Variants in TDRD9 observed in about 807,000 individuals in gnomAD.
TDRD9 encodes tudor domain containing 9.
A neutral mutation model predicts 172.6 loss-of-function variants in TDRD9; 124 were observed. That is an observed-to-expected ratio of 0.72 (90% CI 0.62 to 0.83). The LOEUF is 0.83. Among genes scored for constraint, TDRD9 ranks in the 40% least tolerant of loss-of-function variants. The pLI is 0.00. For synonymous variants in TDRD9, 619 were observed against 617.1 expected (o/e 1.00, Z -0.05); for missense variants, 1,479 against 1,714.1 (o/e 0.86, Z 2.42).
At chr14:103,992,091 C>T (rs954311615) in intron 9 of TDRD9, among the ~76,000 whole-genome samples, 2 of 152,204 alleles carry the variant, frequency 1.3e-5, no homozygotes, top group African/African-American at 2.4e-5. Flanking sequence ...ATTATAACAC[C>T]GTGAGAATCA....
At chr14:103,946,463 G>A (rs1396518858) in intron 1 of TDRD9, among the ~76,000 whole-genome samples, 1 of 152,188 alleles carries the variant, frequency 6.6e-6, no homozygotes, top group East Asian at 1.9e-4. Flanking sequence ...ATGGAAGATT[G>A]AAAGCTTTTC....
rs550509205 is a variant in TDRD9 at position 104,034,966 on chromosome 14, C to T, written c.3626C>T (p.Thr1209Met). Residue 1209 changes from threonine (T) to methionine (M), a missense_variant, in exon 32 of 36, where the codon ACG becomes ATG. By Grantham distance (81) the Thr-to-Met change is moderately conservative. Transcript: ENST00000409874. ...TTTAGCATGACTTGAACAGGATCTA[C>T]GATGCTGCTGAGAGAAACCTCTCTG... ...ASLSINATGS[T>M]MLLRETSLMP... 1.8e-4 allele frequency: 282 copies of T among 1,551,186 alleles called. 1 individual carries two copies. The Admixed American group carries it at 4.9e-3, about 27-fold the overall frequency.
intron 30 of TDRD9, 26 bp from the exon 31 acceptor site, chr14:104,033,934 C>A: frequency 6.9e-7 from 1 of 1,442,224 alleles, no homozygotes; most frequent in Non-Finnish European, 9.5e-7. Context: ...TCAGTCACCC[C>A]ATCTCCTGGT....
intron 5 of TDRD9, among the ~76,000 whole-genome samples, chr14:103,968,750 T>TGG: frequency 1.1e-5 from 1 of 90,612 alleles, no homozygotes; most frequent in Non-Finnish European, 2.1e-5. Context: ...GAGCTGAGAT[T>TGG]GCGCCACTGC....
At chr14:103,965,683 G>A in intron 4 of TDRD9, 129 bp downstream of exon 4, 2 of 839,286 alleles carry the variant, frequency 2.4e-6, no homozygotes, top group Admixed American at 2.5e-5. Flanking sequence ...TGTGTCTCAT[G>A]CCTGTAATCC....
At chr14:104,005,642 C>T (rs2034414015) in intron 15 of TDRD9, among the ~76,000 whole-genome samples, 1 of 152,184 alleles carries the variant, frequency 6.6e-6, no homozygotes, top group African/African-American at 2.4e-5. Context: ...AAACCCTGCT[C>T]TTCCTACTTG....
chr14:103,929,295 C>T (rs975723980), intron 1 of TDRD9, among the ~76,000 whole-genome samples: 8 of 152,090 alleles, frequency 5.3e-5, no homozygotes, highest in Admixed American at 5.2e-4. Flanking sequence ...TTACTGTCTC[C>T]ATAATTTTGC....
chr14:104,041,213 C>A (rs2035602906), intron 33 of TDRD9, among the ~76,000 whole-genome samples: 2 of 152,106 alleles, frequency 1.3e-5, no homozygotes, highest in Non-Finnish European at 2.9e-5. Context: ...CAAGAAGGGG[C>A]TTATGGGCTT....
In TDRD9 at chr14:104,031,610, T is replaced by G. The variant is rs1424693257; in HGVS notation, c.3438+347T>G. Reference sequence around the variant, plus strand: ...GCTGTTAGAGCCGGTGCTGCCCGCCTGCTTGGAGAGGAGGGCTGGCCAGGG... The same window carrying G: ...GCTGTTAGAGCCGGTGCTGCCCGCCGGCTTGGAGAGGAGGGCTGGCCAGGG... On this transcript the variant is annotated intron_variant, in intron 29 of 35. Coordinates refer to ENST00000409874, the MANE Select transcript of TDRD9 (RefSeq NM_153046.3). Among the ~76,000 whole-genome samples, 3 of 151,778 alleles carry G rather than the reference T, an allele frequency of 2.0e-5. No homozygotes were observed. The East Asian group carries it at 5.9e-4, about 30-fold the overall frequency.
intron 1 of TDRD9, among the ~76,000 whole-genome samples, chr14:103,945,962 C>G (rs1248667950): frequency 7.0e-6 from 1 of 142,232 alleles, no homozygotes; most frequent in East Asian, 2.1e-4. Context: ...AGACTCATAT[C>G]TTTCTGTTTT....
At position 103,928,495 on chromosome 14, in the gene TDRD9, G is replaced by T. The variant is rs1337474717; in HGVS notation, c.-15G>T. The T allele has an allele frequency of 2.1e-6, 3 of 1,433,198 alleles. No homozygotes were observed. The South Asian group carries it at 4.0e-5, about 19-fold the overall frequency. The allele number at this position is 1,433,198 out of a possible 1,614,324, so 88.8% of individuals were successfully genotyped here. On this transcript the variant is annotated 5_prime_UTR_variant, in exon 1 of 36. Coordinates refer to ENST00000409874, the MANE Select transcript of TDRD9 (RefSeq NM_153046.3). ...GACCCGGCAGTTGGGGGATGCCGAC[G>T]CCTGGGCCTTGAGGATGCTGCGGAA... is the stretch of plus-strand genomic sequence containing the variant.
chr14:104,040,920 G>A (rs1596025120), intron 33 of TDRD9, among the ~76,000 whole-genome samples: 2 of 152,212 alleles, frequency 1.3e-5, no homozygotes, highest in South Asian at 2.1e-4. Context: ...GCTCGTATTT[G>A]TGTACATTAA....
At chr14:103,981,792 G>A (rs2033482659) in intron 7 of TDRD9, among the ~76,000 whole-genome samples, 1 of 152,204 alleles carries the variant, frequency 6.6e-6, no homozygotes, top group Non-Finnish European at 1.5e-5. Context: ...TGCACTAAAA[G>A]TAAAAAGCAG....
At chr14:103,952,729 CTTTTTTTTTTTTT>C (rs68192057) in intron 1 of TDRD9, among the ~76,000 whole-genome samples, 3,457 of 72,492 alleles carry the variant, frequency 0.048, 124 homozygotes, top group Middle Eastern at 0.21. Flanking sequence ...AATTCTCTCT[CTTTTTTTTTTTTT>C]TTTTTTTTTT....
At chr14:104,044,024 CA>C (rs1337082274) in intron 34 of TDRD9, among the ~76,000 whole-genome samples, 4 of 152,274 alleles carry the variant, frequency 2.6e-5, no homozygotes, top group African/African-American at 7.2e-5. Flanking sequence ...GCCTGTGTGT[CA>C]TACGGTACCT....
At chr14:104,019,919 G>A (rs569295968) in intron 23 of TDRD9, among the ~76,000 whole-genome samples, 5 of 152,206 alleles carry the variant, frequency 3.3e-5, no homozygotes, top group Non-Finnish European at 7.3e-5. Flanking sequence ...TCCTCGGGTA[G>A]ACGTCGGAGG....
intron 22 of TDRD9, 115 bp downstream of exon 22, chr14:104,016,203 T>A: frequency 8.3e-6 from 6 of 721,626 alleles, no homozygotes; most frequent in Non-Finnish European, 1.4e-5. Flanking sequence ...GCGTGAATAT[T>A]AGGCTTGTTT....
At chr14:103,937,869 A>ATTTTTTTTTT (rs2030877082) in intron 1 of TDRD9, among the ~76,000 whole-genome samples, 3 of 130,756 alleles carry the variant, frequency 2.3e-5, no homozygotes, top group African/African-American at 8.3e-5. Context: ...TTTTTTTTTA[A>ATTTTTTTTTT]TTTTCTTTTT....
Position 104,052,344 on chromosome 14 carries a change from A to G in TDRD9, c.*262A>G. 3.7e-6 allele frequency: 1 copy of G among 271,416 alleles called. No individual in the cohort carries two copies. Among genetic ancestry groups the G allele is most frequent in the South Asian group, 6.7e-5 (1 of 14,882 alleles). 16.8% of individuals were successfully genotyped at this position (271,416 alleles called of 1,614,324 possible). On this transcript the variant is annotated 3_prime_UTR_variant, in exon 36 of 36. Transcript: ENST00000409874. ...TAAATATTTTGGAAAGATTGTTCTGAAAGAAGTCTGTTTGGATAAAGAGCT... is the reference window on the plus strand; with the variant it reads ...TAAATATTTTGGAAAGATTGTTCTGGAAGAAGTCTGTTTGGATAAAGAGCT...
Sources: allele counts gnomAD v4.1 joint callset (sites outside exome capture counted in the v4.1 genomes callset), GRCh38; gene constraint gnomAD v4.1.1; transcripts MANE v1.5; gene names NCBI Gene and HGNC (gene_info 2026-07-23, HGNC 2026-07-21).